Variants in PCNX2 observed in about 807,000 individuals in gnomAD.
PCNX2 encodes the protein pecanex 2.
PCNX2 carries 168 observed loss-of-function variants against 223.8 expected under a neutral mutation model. The observed-to-expected ratio is 0.75, with a 90% confidence interval of 0.66 to 0.85. The LOEUF is 0.85. PCNX2 is among the 40% of genes least tolerant of loss of function. PCNX2 has a pLI of 0.00. For synonymous variants in PCNX2, 1,006 were observed against 1,052.6 expected (o/e 0.96, Z 0.86); for missense variants, 2,507 against 2,675.5 (o/e 0.94, Z 1.39).
the PCNX2 span, among the ~76,000 whole-genome samples, chr1:233,305,068 T>C: frequency 6.6e-6 from 1 of 152,162 alleles, no homozygotes; most frequent in Non-Finnish European, 1.5e-5. Flanking sequence ...AATGGATATA[T>C]CATTCCCCAT....
intron 21 of PCNX2, among the ~76,000 whole-genome samples, chr1:233,110,998 T>C (rs1675080110): frequency 1.3e-5 from 2 of 152,098 alleles, no homozygotes; most frequent in Admixed American, 1.3e-4. Flanking sequence ...TAAAATGGAA[T>C]AAAGAAGTAG....
intron 9 of PCNX2, among the ~76,000 whole-genome samples, chr1:233,227,573 C>G (rs1364937863): frequency 3.9e-5 from 6 of 152,052 alleles, no homozygotes; most frequent in Non-Finnish European, 8.8e-5. Flanking sequence ...GGATAATGAT[C>G]AACAAAAAGC....
rs537362807 is a variant in PCNX2 at position 233,146,459 on chromosome 1, C to A, written c.3518-6604G>T. Among the ~76,000 whole-genome samples, 5 of 152,302 alleles carry A rather than the reference C, an allele frequency of 3.3e-5. No individual in the cohort carries two copies. The East Asian group carries it at 7.7e-4, about 24-fold the overall frequency. ...AACAACATTTCCTATTTTAATCTCTCATAAAGTACAATCAGTTACAGTTAA... is the reference window on the plus strand; with the variant it reads ...AACAACATTTCCTATTTTAATCTCTAATAAAGTACAATCAGTTACAGTTAA... On this transcript the variant is annotated intron_variant, in intron 19 of 33. Transcript: ENST00000258229.
chr1:233,088,454 C>A (rs944885874), intron 23 of PCNX2, among the ~76,000 whole-genome samples: 1 of 152,076 alleles, frequency 6.6e-6, no homozygotes, highest in African/African-American at 2.4e-5. Flanking sequence ...AAAAGGTCCC[C>A]CAAATTATTT....
chr1:233,242,075 A>C (rs577232124), intron 8 of PCNX2, among the ~76,000 whole-genome samples: 3 of 152,316 alleles, frequency 2.0e-5, no homozygotes, highest in Admixed American at 2.0e-4. Context: ...AATGTCAACA[A>C]AAGAGTAAGA....
chr1:233,263,243 C>T, intron 1 of PCNX2, 80 bp from the exon 2 acceptor site: 1 of 1,226,960 alleles, frequency 8.2e-7, no homozygotes, highest in South Asian at 1.6e-5. Flanking sequence ...CATTTTTAGA[C>T]TATCTATTGA....
At chr1:233,304,487 T>C in the PCNX2 span, among the ~76,000 whole-genome samples, 2 of 152,204 alleles carry the variant, frequency 1.3e-5, no homozygotes, top group African/African-American at 2.4e-5. Flanking sequence ...TTCCCAAATG[T>C]GTTTACCCAA....
In PCNX2 at chr1:233,252,396, C is replaced by T; in HGVS notation, c.2086G>A (p.Glu696Lys). Residue 696 changes from glutamate (E) to lysine (K), a missense_variant, in exon 7 of 34, where the codon GAG becomes AAG. Glu to Lys is a moderately conservative substitution (Grantham distance 56). This residue lies in a region of PCNX2 where 1,031 missense variants were observed against 1,021.7 expected (regional missense o/e 1.01). Coordinates refer to ENST00000258229, the MANE Select transcript of PCNX2 (RefSeq NM_014801.4). ...ISGPETSVQE[E>K]ISVDAMHVFI... ...ACATGCATAGCATCCACAGATATCT[C>T]TTCTTGTACAGATGTTTCAGGCCCA... The T allele has an allele frequency of 6.2e-7, 1 of 1,613,702 alleles. No individual in the cohort carries two copies. The highest frequency in any genetic ancestry group is 8.5e-7 in the Non-Finnish European group (1 of 1,179,640).
At chr1:233,294,081 G>A in intron 1 of PCNX2, 1 of 719,480 alleles carries the variant, frequency 1.4e-6, no homozygotes, top group Non-Finnish European at 1.7e-6. Context: ...TGGTGATTGT[G>A]ATGATCACAT....
At position 233,041,214 on chromosome 1, in the gene PCNX2, A is replaced by G. The variant is rs1671633440; in HGVS notation, c.4351+13054T>C. Reference sequence around the variant, plus strand: ...TGAATGTGGCTTAGAGAAAAACCACACAGTAATTAATCTTTACAGATCTCT... The same window carrying G: ...TGAATGTGGCTTAGAGAAAAACCACGCAGTAATTAATCTTTACAGATCTCT... On this transcript the variant is annotated intron_variant, in intron 25 of 33. Transcript: ENST00000258229. 2.6e-5 allele frequency among the ~76,000 whole-genome samples: 4 copies of G among 152,202 alleles called. No individual in the cohort carries two copies. In the South Asian group the frequency reaches 8.3e-4, roughly 31 times the overall value.
At chr1:233,106,347 CTT>C (rs912803573) in intron 21 of PCNX2, among the ~76,000 whole-genome samples, 6 of 115,680 alleles carry the variant, frequency 5.2e-5, no homozygotes, top group Non-Finnish European at 7.0e-5. Flanking sequence ...TCTCCTCCCT[CTT>C]TTTTTTTTTT....
chr1:233,200,942 C>T (rs890087248), intron 13 of PCNX2, among the ~76,000 whole-genome samples: 15 of 146,616 alleles, frequency 1.0e-4, no homozygotes, highest in Non-Finnish European at 2.1e-4. Context: ...AGGAGAATGG[C>T]GTGAACCCGG....
chr1:233,039,700 A>C lies in PCNX2; in HGVS notation c.4352-14301T>G, dbSNP rs73105109. Among the ~76,000 whole-genome samples, 1,174 of 152,298 alleles carry C rather than the reference A, an allele frequency of 7.7e-3. 13 individuals are homozygous for C. The highest frequency in any genetic ancestry group is 0.027 in the African/African-American group (1,129 of 41,560). On this transcript the variant is annotated intron_variant, in intron 25 of 33. Coordinates refer to ENST00000258229, the MANE Select transcript of PCNX2 (RefSeq NM_014801.4). Reference sequence around the variant, plus strand: ...TGCAGTAATAAAAAAACCTCAATGCATAAACTTTGTAAGGCTATTGAAAAC... The same window carrying C: ...TGCAGTAATAAAAAAACCTCAATGCCTAAACTTTGTAAGGCTATTGAAAAC...
intron 25 of PCNX2, among the ~76,000 whole-genome samples, chr1:233,052,720 C>G (rs1355923973): frequency 1.3e-5 from 2 of 152,206 alleles, no homozygotes; most frequent in African/African-American, 4.8e-5. Flanking sequence ...TAGTGCATGA[C>G]ATGTAATCAG....
intron 21 of PCNX2, among the ~76,000 whole-genome samples, chr1:233,123,206 T>C (rs1675903737): frequency 6.6e-6 from 1 of 152,106 alleles, no homozygotes; most frequent in African/African-American, 2.4e-5. Context: ...AACAGGGAAA[T>C]AGGGTGTGGG....
At chr1:233,147,568 T>A (rs1375775060) in intron 19 of PCNX2, among the ~76,000 whole-genome samples, 2 of 148,162 alleles carry the variant, frequency 1.3e-5, no homozygotes, top group Non-Finnish European at 2.9e-5. Context: ...GAGCACTAGG[T>A]ATAACTTTTA....
At position 233,000,040 on chromosome 1, in the gene PCNX2, T is replaced by C. The variant is rs1269048974; in HGVS notation, c.5328+265A>G. Among the ~76,000 whole-genome samples the C allele has an allele frequency of 6.6e-6, 1 of 152,212 alleles. No homozygotes were observed. The highest frequency in any genetic ancestry group is 1.9e-4 in the East Asian group (1 of 5,194). ...ATCCTGACTCTCACTTACATGTGTG[T>C]CTACTGGGTCTTCTTGGCAAAGTCT... On this transcript the variant is annotated intron_variant, in intron 30 of 33. Coordinates refer to ENST00000258229, the MANE Select transcript of PCNX2 (RefSeq NM_014801.4). The surrounding 1 kb of genome is among the most constrained non-coding windows in gnomAD (Gnocchi z 4.6).
chr1:233,036,120 C>T (rs983268598), intron 25 of PCNX2, among the ~76,000 whole-genome samples: 5 of 152,172 alleles, frequency 3.3e-5, no homozygotes, highest in African/African-American at 1.2e-4. Flanking sequence ...CACCCTCCCT[C>T]CCTGCCCCAC....
chr1:233,199,524 T>C (rs1159851251), intron 14 of PCNX2, among the ~76,000 whole-genome samples: 1 of 152,190 alleles, frequency 6.6e-6, no homozygotes, highest in Admixed American at 6.5e-5. Flanking sequence ...ATGATTTCAT[T>C]TACTCTTTAT....
Sources: gnomAD v4.1 joint callset for allele counts (sites outside exome capture counted in the v4.1 genomes callset) on GRCh38, gnomAD v4.1.1 for gene constraint, gnomAD v4.1.1 regional missense constraint, Gnocchi (gnomAD v3.1) non-coding constraint, MANE v1.5 for transcripts, NCBI Gene and HGNC (gene_info 2026-07-23, HGNC 2026-07-21) for gene names.